The following AKAP6 variants were observed in gnomAD, a reference collection of about 807,000 sequenced individuals.
AKAP6 encodes A-kinase anchoring protein 6, also known as A-kinase anchor protein 6.
In AKAP6, 58 loss-of-function variants were observed where a neutral mutation model predicts 188.5. That is an observed-to-expected ratio of 0.31 (90% confidence interval 0.25 to 0.38). The LOEUF (loss-of-function observed/expected upper bound fraction) is 0.38. AKAP6 is among the 10% of genes least tolerant of loss of function. The pLI is 1.00. For synonymous variants in AKAP6, 989 were observed against 998.6 expected, an observed-to-expected ratio of 0.99 and a Z score of 0.18; for missense variants, 2,710 against 2,740.0, an observed-to-expected ratio of 0.99 and a Z score of 0.24.
chr14:32,404,691 G>GATAGATAGATAGATATATATATATAT lies in AKAP6; in HGVS notation c.-34-28766_-34-28765insGATAGATAGATATATATATATATATA. ...AGAGTGGGGTTATGAGGAGTCAGGAGATATATATATATATATATATTAGTC... is the reference window on the plus strand; with the variant it reads ...AGAGTGGGGTTATGAGGAGTCAGGAGATAGATAGATAGATATATATATATATATATATATATATATATATATTAGTC... On this transcript the variant is annotated intron_variant, in intron 1 of 13. Coordinates refer to ENST00000280979, the MANE Select transcript of AKAP6 (RefSeq NM_004274.5). Among the ~76,000 whole-genome samples the GATAGATAGATAGATATATATATATAT allele has an allele frequency of 1.6e-4, 7 of 44,436 alleles. 1 individual carries two copies. The highest frequency in any genetic ancestry group is 5.0e-4 in the African/African-American group (7 of 13,978). 29.2% of individuals were successfully genotyped at this position (44,436 alleles called of 152,430 possible). A position where few individuals can be genotyped will look rare whatever the true frequency, so the allele number is the denominator to read the frequency against.
chr14:32,652,982 G>A (rs1038155449), intron 7 of AKAP6, among the ~76,000 whole-genome samples: 4 of 152,128 alleles, frequency 2.6e-5, no homozygotes, highest in Non-Finnish European at 4.4e-5. Context: ...GAGGCCAAGA[G>A]GTCAAGGCTG....
chr14:32,528,198 A>G (rs1355628400), intron 2 of AKAP6, among the ~76,000 whole-genome samples: 5 of 152,066 alleles, frequency 3.3e-5, no homozygotes, highest in East Asian at 1.9e-4. Context: ...TTCCAGCACC[A>G]TTTGTTGAGA....
chr14:32,353,082 A>G (rs1326403799), intron 1 of AKAP6, among the ~76,000 whole-genome samples: 1 of 151,478 alleles, frequency 6.6e-6, no homozygotes, highest in Non-Finnish European at 1.5e-5. Flanking sequence ...GATAATAGCC[A>G]TTCTAGTTGG....
At chr14:32,647,209 C>T (rs1431055109) in intron 7 of AKAP6, among the ~76,000 whole-genome samples, 1 of 152,082 alleles carries the variant, frequency 6.6e-6, no homozygotes, top group Non-Finnish European at 1.5e-5. Context: ...TATATATTAG[C>T]TCAGGCCAAC....
intron 7 of AKAP6, among the ~76,000 whole-genome samples, chr14:32,674,636 A>G (rs1358615073): frequency 6.6e-6 from 1 of 152,208 alleles, no homozygotes; most frequent in Non-Finnish European, 1.5e-5. Flanking sequence ...GCCTAAGTAC[A>G]GAAAGGTTTG....
intron 2 of AKAP6, among the ~76,000 whole-genome samples, chr14:32,476,103 T>A (rs1879054049): frequency 6.7e-6 from 1 of 149,836 alleles, no homozygotes; most frequent in South Asian, 2.1e-4. Context: ...TATGCAGAAA[T>A]AAACAATATA....
intron 2 of AKAP6, among the ~76,000 whole-genome samples, chr14:32,525,191 G>T (rs1219533733): frequency 6.6e-6 from 1 of 152,124 alleles, no homozygotes; most frequent in Non-Finnish European, 1.5e-5. Flanking sequence ...GCAGTAGCTT[G>T]CTTAGAAAAA....
chr14:32,347,584 A>G (rs1404138152), intron 1 of AKAP6, among the ~76,000 whole-genome samples: 1 of 152,248 alleles, frequency 6.6e-6, no homozygotes, highest in Non-Finnish European at 1.5e-5. Flanking sequence ...TTATCATTTT[A>G]CAGACACTGA....
chr14:32,361,068 A>G (rs1370812217), intron 1 of AKAP6, among the ~76,000 whole-genome samples: 7 of 149,944 alleles, frequency 4.7e-5, no homozygotes, highest in African/African-American at 1.7e-4. Flanking sequence ...ATATATATAT[A>G]TATTTGAGAA....
intron 4 of AKAP6, among the ~76,000 whole-genome samples, chr14:32,566,777 CT>C (rs201906509): frequency 4.0e-4 from 60 of 151,154 alleles, no homozygotes; most frequent in African/African-American, 1.4e-3. Context: ...TAGTTCTGTA[CT>C]TTTTTTTTGA....
At position 32,533,662 on chromosome 14, in the gene AKAP6, A is replaced by G. The variant is rs78119751; in HGVS notation, c.325-1892A>G. Reference sequence around the variant, plus strand: ...CAGAAATGAACATCCTAAGAGGACAAAAGATACAGGCATTTATTTTGGGGT... The same window carrying G: ...CAGAAATGAACATCCTAAGAGGACAGAAGATACAGGCATTTATTTTGGGGT... On this transcript the variant is annotated intron_variant, in intron 2 of 13. Transcript: ENST00000280979. 3.2e-3 allele frequency among the ~76,000 whole-genome samples: 481 copies of G among 152,310 alleles called. 1 individual carries two copies. Among genetic ancestry groups the G allele is most frequent in the African/African-American group, 0.011 (462 of 41,566 alleles).
intron 11 of AKAP6, among the ~76,000 whole-genome samples, chr14:32,738,458 C>A (rs1413404805): frequency 1.3e-5 from 2 of 152,244 alleles, no homozygotes; most frequent in South Asian, 2.1e-4. Flanking sequence ...GATTTAATAA[C>A]CTTGTTGATG....
chr14:32,355,679 A>T (rs1157359310), intron 1 of AKAP6, among the ~76,000 whole-genome samples: 3 of 152,246 alleles, frequency 2.0e-5, no homozygotes, highest in African/African-American at 7.2e-5. Context: ...TAATGAGTAT[A>T]AATGCTATTT....
chr14:32,773,536 G>A (rs977941147), intron 11 of AKAP6, 142 bp from the exon 12 acceptor site: 3 of 771,116 alleles, frequency 3.9e-6, no homozygotes, highest in Non-Finnish European at 6.3e-6. Flanking sequence ...CATTCTAAAA[G>A]GGACATCAGA....
chr14:32,825,067 G>C (rs55804530), intron 13 of AKAP6, among the ~76,000 whole-genome samples: 80 of 152,156 alleles, frequency 5.3e-4, no homozygotes, highest in Non-Finnish European at 1.0e-3. Flanking sequence ...AAAATTTGAG[G>C]AAGTAGTTGA....
chr14:32,580,600 C>T (rs1048742481), intron 5 of AKAP6, among the ~76,000 whole-genome samples: 34 of 152,044 alleles, frequency 2.2e-4, no homozygotes, highest in African/African-American at 4.1e-4. Flanking sequence ...ATGTGCACAA[C>T]GTGCAGGTTA....
intron 2 of AKAP6, among the ~76,000 whole-genome samples, chr14:32,534,451 T>A (rs546008084): frequency 1.1e-3 from 164 of 152,330 alleles, no homozygotes; most frequent in African/African-American, 3.8e-3. Flanking sequence ...GATGGAAATT[T>A]GGGAACTTGT....
At chr14:32,558,307 A>T (rs1404019230) in intron 4 of AKAP6, among the ~76,000 whole-genome samples, 1 of 152,174 alleles carries the variant, frequency 6.6e-6, no homozygotes, top group African/African-American at 2.4e-5. Flanking sequence ...TAGGTCCTGG[A>T]TGTAGTACTT....
At chr14:32,557,954 C>T (rs907638328) in intron 4 of AKAP6, among the ~76,000 whole-genome samples, 1 of 152,240 alleles carries the variant, frequency 6.6e-6, no homozygotes, top group South Asian at 2.1e-4. Context: ...TATGATGACA[C>T]TATGAGTTGT....
Sources: allele counts gnomAD v4.1 joint callset (sites outside exome capture counted in the v4.1 genomes callset), GRCh38; gene constraint gnomAD v4.1.1; transcripts MANE v1.5; gene names NCBI Gene and HGNC (gene_info 2026-07-23, HGNC 2026-07-21).